The following NPHP1 variants were observed in gnomAD, a reference collection of about 807,000 sequenced individuals.
NPHP1 encodes the protein nephrocystin 1.
Under a neutral mutation model 90.4 loss-of-function variants are expected in NPHP1, and 70 were observed. The observed-to-expected ratio is 0.77, with a 90% CI of 0.64 to 0.95. The LOEUF is 0.95. Among genes scored for constraint, NPHP1 ranks in the 40% least tolerant of loss-of-function variants. NPHP1 has a pLI of 0.00. For missense variants in NPHP1, 764 were observed against 795.9 expected (o/e 0.96, Z 0.48); for synonymous variants, 256 against 271.7 (o/e 0.94, Z 0.57).
chr2:110,148,588 A>G (rs1171459476), intron 12 of NPHP1, among the ~76,000 whole-genome samples: 1 of 152,184 alleles, frequency 6.6e-6, no homozygotes, highest in Non-Finnish European at 1.5e-5. Context: ...ATCAATGCCA[A>G]TGATTACAAA....
intron 4 of NPHP1, among the ~76,000 whole-genome samples, chr2:110,170,967 T>A (rs1683091089): frequency 6.6e-6 from 1 of 152,122 alleles, no homozygotes. Flanking sequence ...GAGCTTTACC[T>A]TTAAAGTCGC....
At chr2:110,198,802 TC>T (rs1385869325) in intron 2 of NPHP1, among the ~76,000 whole-genome samples, 1 of 152,024 alleles carries the variant, frequency 6.6e-6, no homozygotes, top group Non-Finnish European at 1.5e-5. Context: ...AGGACCCCTC[TC>T]TATCTAACAG....
chr2:110,163,036 G>C lies in NPHP1; in HGVS notation c.859+12C>G. ...TGCTGAAAGAGTGCAGTGGCTGATA[G>C]GCACGCATTACCTTCCTCCAGAAGC... On this transcript the variant is annotated intron_variant, in intron 9 of 19. Transcript: ENST00000445609. 1.3e-6 allele frequency: 2 copies of C among 1,595,000 alleles called. No homozygotes were observed. The highest frequency in any genetic ancestry group is 1.7e-6 in the Non-Finnish European group (2 of 1,162,688).
chr2:110,168,108 T>C (rs1380853429), intron 6 of NPHP1, among the ~76,000 whole-genome samples: 2 of 152,210 alleles, frequency 1.3e-5, no homozygotes, highest in Non-Finnish European at 2.9e-5. Flanking sequence ...GTTCACATTT[T>C]AGTAAGGGGA....
At chr2:110,171,748 C>T (rs1412174065) in intron 4 of NPHP1, among the ~76,000 whole-genome samples, 1 of 152,048 alleles carries the variant, frequency 6.6e-6, no homozygotes, top group African/African-American at 2.4e-5. Context: ...TTAAGCCAAC[C>T]TCACACTCTG....
At chr2:110,160,104 G>T (rs1271276169) in intron 11 of NPHP1, 23 bp downstream of exon 11, 2 of 1,608,712 alleles carry the variant, frequency 1.2e-6, no homozygotes, top group South Asian at 2.2e-5. Context: ...AGTATGAATT[G>T]ATTTACTTCT....
At chr2:110,134,398 T>A (rs1373613730) in intron 16 of NPHP1, among the ~76,000 whole-genome samples, 3 of 151,912 alleles carry the variant, frequency 2.0e-5, no homozygotes, top group Non-Finnish European at 1.5e-5. Flanking sequence ...CACTGGAGAA[T>A]TCTACCAAAC....
chr2:110,135,797 C>A (rs1481353578), intron 16 of NPHP1, among the ~76,000 whole-genome samples: 6 of 152,040 alleles, frequency 3.9e-5, no homozygotes, highest in South Asian at 2.1e-4. Context: ...GTAAATTAAT[C>A]CTTTATCTTA....
chr2:110,185,039 A>G (rs538377034), intron 2 of NPHP1: 11 of 602,382 alleles, frequency 1.8e-5, no homozygotes, highest in Non-Finnish European at 3.2e-5. Context: ...GAAGATCAGG[A>G]TATTTGCACC....
Position 110,169,838 on chromosome 2 carries a change from T to C in NPHP1, c.490A>G (p.Thr164Ala), listed in dbSNP as rs1225776198. The change falls in exon 5 of 20, where the codon ACT becomes GCT. Residue 164 changes from threonine to alanine, a missense_variant. Physicochemically the swap from Thr to Ala is moderately conservative, Grantham distance 58. Transcript: ENST00000445609. ...GTAAGATCTCCAACTTGCTGAGCAGTAAAATCTCCAACAGCGATGTATTCT... is the reference window on the plus strand; with the variant it reads ...GTAAGATCTCCAACTTGCTGAGCAGCAAAATCTCCAACAGCGATGTATTCT... Reference protein sequence around the residue: ...GEEYIAVGDFTAQQVGDLTFK... With the variant: ...GEEYIAVGDFAAQQVGDLTFK... The C allele has an allele frequency of 6.2e-7, 1 of 1,613,640 alleles. No individual in the cohort carries two copies. Among genetic ancestry groups the C allele is most frequent in the Admixed American group, 1.7e-5 (1 of 60,010 alleles).
Position 110,168,463 on chromosome 2 carries a change from T to C in NPHP1, c.613A>G (p.Thr205Ala). ...AKGNEGLVPR[T>A]YLEPYSEEEE... ...AAACCAAGACTAACCTCTAGGTAGG[T>C]TCTGGGAACAAGACCTTCATTTCCT... Residue 205 changes from threonine (T) to alanine (A), a missense_variant, in exon 6 of 20, where the codon ACC becomes GCC. Thr to Ala is a moderately conservative substitution (Grantham distance 58). Transcript: ENST00000445609. The C allele has an allele frequency of 6.2e-7, 1 of 1,610,328 alleles. No individual in the cohort carries two copies. Among genetic ancestry groups the C allele is most frequent in the Non-Finnish European group, 8.5e-7 (1 of 1,176,804 alleles).
rs1430465764 is a variant in NPHP1, at chr2:110,129,297, T to G, written c.1643-38A>C. On this transcript the variant is annotated intron_variant, in intron 17 of 19. Transcript: ENST00000445609. ...ACAACAGAAAGAATTTTATGCAAAC[T>G]TCACTCAATGGATTTTATTGCAATA... The G allele has an allele frequency of 2.1e-6, 3 of 1,460,894 alleles. No individual in the cohort carries two copies. The East Asian group carries it at 6.8e-5, about 33-fold the overall frequency. 90.5% of individuals were successfully genotyped at this position (1,460,894 alleles called of 1,614,324 possible).
intron 2 of NPHP1, among the ~76,000 whole-genome samples, chr2:110,186,660 C>T (rs1186939035): frequency 6.6e-6 from 1 of 152,094 alleles, no homozygotes; most frequent in African/African-American, 2.4e-5. Flanking sequence ...AGGCCCCTGC[C>T]AGGTATGGGC....
chr2:110,152,327 C>T (rs949047041), intron 11 of NPHP1, among the ~76,000 whole-genome samples: 2 of 151,718 alleles, frequency 1.3e-5, no homozygotes, highest in African/African-American at 4.8e-5. Context: ...ACTTCTCAAC[C>T]AGTTTATGCT....
rs764762433 is a variant in NPHP1, at chr2:110,204,884, C to G, written c.69+16G>C. 3.1e-6 allele frequency: 5 copies of G among 1,613,420 alleles called. No homozygotes were observed. In the East Asian group the frequency reaches 8.9e-5, roughly 29 times the overall value. ...CTGTCGCCCGCCCCAGGGCCCTCTG[C>G]ACAGCCTGACCATACCTGTTGCTTC... is the stretch of plus-strand genomic sequence containing the variant. On this transcript the variant is annotated intron_variant, in intron 1 of 19. Transcript: ENST00000445609.
chr2:110,189,228 T>C (rs1684506872), intron 2 of NPHP1, among the ~76,000 whole-genome samples: 1 of 152,164 alleles, frequency 6.6e-6, no homozygotes, highest in Non-Finnish European at 1.5e-5. Context: ...TTGGTCTCAC[T>C]GACTTCAAGA....
At position 110,129,277 on chromosome 2, in the gene NPHP1, A is replaced by G. The variant is rs767817885; in HGVS notation, c.1643-18T>C. ...AATTAAATCTGAAATGCAAAACAAC[A>G]GAAAGAATTTTATGCAAACTTCACT... is the stretch of plus-strand genomic sequence containing the variant. On this transcript the variant is annotated intron_variant, in intron 17 of 19. Transcript: ENST00000445609. 3 of 1,598,708 alleles carry G rather than the reference A, an allele frequency of 1.9e-6. No individual in the cohort carries two copies. The highest frequency in any genetic ancestry group is 4.5e-5 in the East Asian group (2 of 44,826).
At chr2:110,168,583 A>G in intron 5 of NPHP1, 30 bp from the exon 6 acceptor site, 1 of 1,374,032 alleles carries the variant, frequency 7.3e-7, no homozygotes, top group Non-Finnish European at 1.0e-6. Flanking sequence ...AACCATTTTA[A>G]ATAAAATTCA....
intron 11 of NPHP1, among the ~76,000 whole-genome samples, chr2:110,152,664 A>C (rs1475573738): frequency 6.6e-6 from 1 of 151,318 alleles, no homozygotes; most frequent in Non-Finnish European, 1.5e-5. Flanking sequence ...AGCAAGTAGG[A>C]GGACAAAGAC....
Sources: allele counts gnomAD v4.1 joint callset (sites outside exome capture counted in the v4.1 genomes callset), GRCh38; gene constraint gnomAD v4.1.1; transcripts MANE v1.5; gene names NCBI Gene and HGNC (gene_info 2026-07-23, HGNC 2026-07-21).